Variants in ORAI2 observed in about 807,000 individuals in gnomAD.
The protein encoded by ORAI2 is ORAI calcium release-activated calcium modulator 2.
A neutral mutation model predicts 16.2 loss-of-function variants in ORAI2; 10 were observed. The ratio of observed to expected loss-of-function variants is 0.62; its 90% confidence interval spans 0.38 to 1.04. The LOEUF (loss-of-function observed/expected upper bound fraction) is 1.04, where lower values mean the gene tolerates loss of function less well. Ranked by LOEUF, ORAI2 falls within the 50% of genes least tolerant of loss-of-function variation. ORAI2 has a pLI of 0.01. For missense variants in ORAI2, 238 were observed against 355.5 expected (o/e 0.67, Z 2.66); for synonymous variants, 150 against 157.5 (o/e 0.95, Z 0.35).
rs555846728 is a variant in ORAI2 at position 102,446,563 on chromosome 7, G to A, written c.276G>A (p.Pro92=). The change falls in exon 4 of 4, where the codon CCG becomes CCA. Residue 92 remains proline (P), a synonymous_variant. Coordinates refer to ENST00000495936, the MANE Select transcript of ORAI2 (RefSeq NM_001126340.3). ...QLETQYQYPR[P]LLIAFSACTT... is the part of the protein sequence containing the mutation. ...AGACGCAGTACCAGTACCCGCGGCC[G>A]CTGCTGATTGCCTTCAGCGCCTGCA... 30 of 1,612,914 alleles carry A rather than the reference G, an allele frequency of 1.9e-5. No individual in the cohort carries two copies. The highest frequency in any genetic ancestry group is 1.3e-4 in the South Asian group (12 of 91,060).
Position 102,446,716 on chromosome 7 carries a change from C to T in ORAI2, c.429C>T (p.His143=), listed in dbSNP as rs34647773. ...SISESPHERM[H]PYIELAWGFS... Reference sequence around the variant, plus strand: ...GCGAGTCCCCGCATGAGCGCATGCACCCCTACATCGAGCTGGCCTGGGGCT... The same window carrying T: ...GCGAGTCCCCGCATGAGCGCATGCATCCCTACATCGAGCTGGCCTGGGGCT... The change falls in exon 4 of 4, where the codon CAC becomes CAT. Residue 143 remains histidine, a synonymous_variant. Coordinates refer to ENST00000495936, the MANE Select transcript of ORAI2 (RefSeq NM_001126340.3). 0.038 allele frequency: 61,346 copies of T among 1,614,192 alleles called. 1,357 individuals carry two copies. The highest frequency in any genetic ancestry group is 0.046 in the Non-Finnish European group (53,867 of 1,180,034).
Position 102,446,623 on chromosome 7 carries a change from C to T in ORAI2, c.336C>T (p.Leu112=). ...TVLVAVHLFA[L]LISTCILPNV... ...TGGTGGCCGTGCACCTGTTCGCCCT[C>T]CTCATCAGCACCTGCATCCTGCCCA... Residue 112 remains leucine (L), a synonymous_variant, in exon 4 of 4, where the codon CTC becomes CTT. Coordinates refer to ENST00000495936, the MANE Select transcript of ORAI2 (RefSeq NM_001126340.3). The T allele has an allele frequency of 1.2e-6, 2 of 1,614,034 alleles. No homozygotes were observed. The highest frequency in any genetic ancestry group is 1.7e-6 in the Non-Finnish European group (2 of 1,180,028).
rs1370265249 is a variant in ORAI2, at chr7:102,452,026, G to GA, written c.*4975dup. 1 of 152,302 alleles carries GA rather than the reference G, an allele frequency of 6.6e-6. No individual in the cohort carries two copies. Among genetic ancestry groups the GA allele is most frequent in the Non-Finnish European group, 1.5e-5 (1 of 68,108 alleles). 9.4% of individuals were successfully genotyped at this position (152,302 alleles called of 1,614,324 possible). On this transcript the variant is annotated 3_prime_UTR_variant, in exon 4 of 4. Transcript: ENST00000495936. Reference sequence around the variant, plus strand: ...AGTCCCTTGAGGAGAGGAGCTACCAGAGCACTGGTCACCTCAGGACATTCT... The same window carrying GA: ...AGTCCCTTGAGGAGAGGAGCTACCAGAAGCACTGGTCACCTCAGGACATTCT...
At chr7:102,438,921 G>T (rs755733659) in intron 2 of ORAI2, 23 bp from the exon 3 acceptor site, 2 of 1,607,734 alleles carry the variant, frequency 1.2e-6, no homozygotes, top group African/African-American at 2.7e-5. Context: ...GGATGTCTGA[G>T]CATGTCTCTC....
At chr7:102,442,730 C>T (rs1375830132) in intron 3 of ORAI2, among the ~76,000 whole-genome samples, 1 of 151,804 alleles carries the variant, frequency 6.6e-6, no homozygotes, top group Non-Finnish European at 1.5e-5. Flanking sequence ...GTGGCTGGCA[C>T]CTGTAACCCC....
At position 102,447,056 on chromosome 7, in the gene ORAI2, G is replaced by A; in HGVS notation, c.*4G>A. 6.6e-7 allele frequency: 1 copy of A among 1,526,352 alleles called. No homozygotes were observed. 94.6% of individuals were successfully genotyped at this position (1,526,352 alleles called of 1,614,324 possible). On this transcript the variant is annotated 3_prime_UTR_variant, in exon 4 of 4. Coordinates refer to ENST00000495936, the MANE Select transcript of ORAI2 (RefSeq NM_001126340.3). Reference sequence around the variant, plus strand: ...GCGCAGCCTGCAGGTCTTGTGAGGGGCCGAGGGCCGGGGCTGGGAGCGGCC... The same window carrying A: ...GCGCAGCCTGCAGGTCTTGTGAGGGACCGAGGGCCGGGGCTGGGAGCGGCC...
At position 102,450,383 on chromosome 7, in the gene ORAI2, C is replaced by T. The variant is rs1395105942; in HGVS notation, c.*3331C>T. On this transcript the variant is annotated 3_prime_UTR_variant, in exon 4 of 4. Transcript: ENST00000495936. ...AGGGGCCCTGCTGGGCCTTCTCCTG[C>T]CACCTACCTTCCTGGACCATCTGTG... 6.6e-6 allele frequency: 1 copy of T among 152,442 alleles called. No homozygotes were observed. The highest frequency in any genetic ancestry group is 1.5e-5 in the Non-Finnish European group (1 of 68,212). The allele number at this position is 152,442 out of a possible 1,614,324, so 9.4% of individuals were successfully genotyped here.
At chr7:102,439,290 G>A in intron 3 of ORAI2, 109 bp downstream of exon 3, 1 of 906,578 alleles carries the variant, frequency 1.1e-6, no homozygotes, top group East Asian at 2.6e-5. Flanking sequence ...TGGCAGCCAG[G>A]ATGGACCAGT....
In ORAI2 at chr7:102,434,153, C is replaced by T. The variant is rs1328541322; in HGVS notation, c.-123+492C>T. Among the ~76,000 whole-genome samples the T allele has an allele frequency of 3.3e-5, 5 of 149,404 alleles. No homozygotes were observed. In the East Asian group the frequency reaches 5.9e-4, roughly 18 times the overall value. On this transcript the variant is annotated intron_variant, in intron 1 of 3. Transcript: ENST00000495936. Reference sequence around the variant, plus strand: ...AAAAAAAAAAAAAAAAAAGCAACCCCACAAGGTTCAGTCCCGGAGCATCCT... The same window carrying T: ...AAAAAAAAAAAAAAAAAAGCAACCCTACAAGGTTCAGTCCCGGAGCATCCT...
At chr7:102,444,949 G>A (rs1265215451) in intron 3 of ORAI2, among the ~76,000 whole-genome samples, 1 of 152,018 alleles carries the variant, frequency 6.6e-6, no homozygotes, top group Non-Finnish European at 1.5e-5. Context: ...TTATAGGTGT[G>A]AGCCACCGCG....
intron 2 of ORAI2, among the ~76,000 whole-genome samples, chr7:102,436,683 G>C (rs115094815): frequency 6.2e-4 from 95 of 152,212 alleles, no homozygotes; most frequent in African/African-American, 2.2e-3. Context: ...CCTGGACATA[G>C]AAGTTACTCT....
At position 102,446,820 on chromosome 7, in the gene ORAI2, C is replaced by A. The variant is rs1446678618; in HGVS notation, c.533C>A (p.Ala178Asp). The change falls in exon 4 of 4, where the codon GCC becomes GAC. Residue 178 changes from alanine (A) to aspartate (D), a missense_variant. Physicochemically the swap from Ala to Asp is moderately radical, Grantham distance 126. This residue lies in a region of ORAI2 where 176 missense variants were observed against 265.9 expected (regional missense o/e 0.66). Transcript: ENST00000495936. ...LCWIKFLPVD[A>D]RRQPGPPPGP... is the part of the protein sequence containing the mutation. Reference sequence around the variant, plus strand: ...TGGATCAAGTTCCTCCCCGTGGATGCCCGGCGCCAGCCTGGCCCCCCACCT... The same window carrying A: ...TGGATCAAGTTCCTCCCCGTGGATGACCGGCGCCAGCCTGGCCCCCCACCT... 1 of 1,613,992 alleles carries A rather than the reference C, an allele frequency of 6.2e-7. No individual in the cohort carries two copies.
chr7:102,441,464 G>A (rs1014608936), intron 3 of ORAI2, among the ~76,000 whole-genome samples: 1 of 150,508 alleles, frequency 6.6e-6, no homozygotes, highest in Admixed American at 6.6e-5. Context: ...GCTTGAACCC[G>A]GGAGGCGGAG....
At chr7:102,436,196 T>C (rs916531914) in intron 1 of ORAI2, 29 bp from the exon 2 acceptor site, 26 of 456,006 alleles carry the variant, frequency 5.7e-5, no homozygotes, top group Non-Finnish European at 7.2e-5. Context: ...AACCTACGGA[T>C]TGCAGCGTTT....
intron 3 of ORAI2, among the ~76,000 whole-genome samples, chr7:102,443,621 T>C (rs1420724222): frequency 6.6e-6 from 1 of 152,132 alleles, no homozygotes; most frequent in African/African-American, 2.4e-5. Context: ...GTTCCGTGGC[T>C]ACTGGTTTTT....
In ORAI2 at chr7:102,438,988, C is replaced by A. The variant is rs754858060; in HGVS notation, c.32C>A (p.Pro11His). 28 of 1,613,910 alleles carry A rather than the reference C, an allele frequency of 1.7e-5. No homozygotes were observed. The highest frequency in any genetic ancestry group is 2.1e-5 in the Non-Finnish European group (25 of 1,180,050). Residue 11 changes from proline (P) to histidine (H), a missense_variant, in exon 3 of 4, where the codon CCC becomes CAC. By Grantham distance (77) the Pro-to-His change is moderately conservative. Around this residue, in one of 3 missense-constraint regions of ORAI2, gnomAD observed 61 missense variants for 72.7 expected, o/e 0.84. Coordinates refer to ENST00000495936, the MANE Select transcript of ORAI2 (RefSeq NM_001126340.3). ...GCTGAGCTTAACGTGCCTATCGACCCCTCTGCTCCTGCCTGCCCTGAGCCC... is the reference window on the plus strand; with the variant it reads ...GCTGAGCTTAACGTGCCTATCGACCACTCTGCTCCTGCCTGCCCTGAGCCC... MSAELNVPID[P>H]SAPACPEPGH...
intron 1 of ORAI2, among the ~76,000 whole-genome samples, chr7:102,435,284 T>G (rs1797031946): frequency 6.6e-6 from 1 of 152,108 alleles, no homozygotes; most frequent in South Asian, 2.1e-4. Context: ...AAAAATTATT[T>G]TTAGAGACAG....
chr7:102,455,643 C>G lies in ORAI2; in HGVS notation c.*8591C>G, dbSNP rs925506206. On this transcript the variant is annotated 3_prime_UTR_variant, in exon 4 of 4. Transcript: ENST00000495936. ...AGAGTGGACCCCTGGGCTGGCTTAT[C>G]TGCTCCAGTGCAGTGAGGATCAGCT... 3 of 152,308 alleles carry G rather than the reference C, an allele frequency of 2.0e-5. No homozygotes were observed. Among genetic ancestry groups the G allele is most frequent in the Non-Finnish European group, 4.4e-5 (3 of 68,070 alleles). The allele number at this position is 152,308 out of a possible 1,614,324, so 9.4% of individuals were successfully genotyped here.
intron 3 of ORAI2, among the ~76,000 whole-genome samples, chr7:102,440,946 G>A (rs937157020): frequency 6.6e-6 from 1 of 152,026 alleles, no homozygotes; most frequent in Admixed American, 6.6e-5. Flanking sequence ...AGGCTGGAGT[G>A]CAGTGGTGTG....
Sources: gnomAD v4.1 joint callset for allele counts (sites outside exome capture counted in the v4.1 genomes callset) on GRCh38, gnomAD v4.1.1 for gene constraint, gnomAD v4.1.1 regional missense constraint, MANE v1.5 for transcripts, NCBI Gene and HGNC (gene_info 2026-07-23, HGNC 2026-07-21) for gene names.